The following CCDC178 variants were observed in gnomAD, a reference collection of about 807,000 sequenced individuals.
CCDC178 encodes coiled-coil domain-containing protein 178.
In CCDC178, 126 loss-of-function variants were observed where a neutral mutation model predicts 117.4. The ratio of observed to expected loss-of-function variants is 1.07; its 90% CI spans 0.93 to 1.24. The LOEUF is 1.24. Ranked by LOEUF, CCDC178 falls within the 50% of genes most tolerant of loss-of-function variation. CCDC178 has a pLI of 0.00. For missense variants in CCDC178, 1,030 were observed against 986.9 expected (o/e 1.04, Z -0.59); for synonymous variants, 283 against 313.4 (o/e 0.90, Z 1.02).
chr18:33,148,768 G>C (rs1216578430), intron 20 of CCDC178, among the ~76,000 whole-genome samples: 1 of 152,184 alleles, frequency 6.6e-6, no homozygotes, highest in Non-Finnish European at 1.5e-5. Context: ...CTTAGACTTT[G>C]AGCTTAAAGG....
At chr18:33,430,436 G>A (rs185897187) in intron 2 of CCDC178, among the ~76,000 whole-genome samples, 1 of 152,224 alleles carries the variant, frequency 6.6e-6, no homozygotes, top group East Asian at 1.9e-4. Flanking sequence ...ATATTTGCCG[G>A]CCTCTCTTGA....
intron 10 of CCDC178, among the ~76,000 whole-genome samples, chr18:33,327,298 T>C (rs1023350979): frequency 6.6e-6 from 1 of 152,232 alleles, no homozygotes; most frequent in African/African-American, 2.4e-5. Flanking sequence ...TTTTACGGCT[T>C]AATAATATTT....
intron 20 of CCDC178, among the ~76,000 whole-genome samples, chr18:33,113,585 C>T (rs188364543): frequency 5.9e-5 from 9 of 152,014 alleles, no homozygotes; most frequent in Admixed American, 4.6e-4. Flanking sequence ...CCTGCAATTA[C>T]TCTGTTTAGG....
At chr18:33,309,252 T>TA (rs1377656964) in intron 11 of CCDC178, among the ~76,000 whole-genome samples, 1 of 151,520 alleles carries the variant, frequency 6.6e-6, no homozygotes, top group Non-Finnish European at 1.5e-5. Context: ...GAATCAGTGG[T>TA]AAAAATACCC....
At chr18:32,965,050 C>T (rs979575499) in intron 22 of CCDC178, among the ~76,000 whole-genome samples, 3 of 151,860 alleles carry the variant, frequency 2.0e-5, no homozygotes, top group South Asian at 2.1e-4. Flanking sequence ...ACTGTATACC[C>T]GGCACCTCAA....
chr18:33,281,971 T>G (rs2060031435), intron 12 of CCDC178, among the ~76,000 whole-genome samples: 1 of 152,200 alleles, frequency 6.6e-6, no homozygotes, highest in African/African-American at 2.4e-5. Context: ...TAGGTGCAGA[T>G]AAGTGGAACA....
chr18:33,271,969 G>A (rs181421031), intron 12 of CCDC178, among the ~76,000 whole-genome samples: 13 of 151,550 alleles, frequency 8.6e-5, no homozygotes, highest in African/African-American at 2.2e-4. Context: ...AAGTTCTTAT[G>A]TCAGTAACCT....
chr18:33,041,763 T>G (rs2056554028), intron 21 of CCDC178, among the ~76,000 whole-genome samples: 1 of 151,416 alleles, frequency 6.6e-6, no homozygotes, highest in Non-Finnish European at 1.5e-5. Context: ...AATATCAGAG[T>G]TGAAGAATTG....
chr18:32,987,775 C>A (rs1320668307), intron 21 of CCDC178, among the ~76,000 whole-genome samples: 1 of 152,118 alleles, frequency 6.6e-6, no homozygotes, highest in Non-Finnish European at 1.5e-5. Context: ...ATGTCTATAT[C>A]TCCTTAGACA....
At chr18:33,240,062 A>C (rs1371066380) in intron 15 of CCDC178, among the ~76,000 whole-genome samples, 1 of 151,998 alleles carries the variant, frequency 6.6e-6, no homozygotes, top group Non-Finnish European at 1.5e-5. Flanking sequence ...CTTACAAGAA[A>C]ACTAGAAATT....
At chr18:33,215,939 AT>A (rs926970826) in intron 18 of CCDC178, among the ~76,000 whole-genome samples, 1 of 151,830 alleles carries the variant, frequency 6.6e-6, no homozygotes, top group African/African-American at 2.4e-5. Flanking sequence ...TCTACCCAAA[AT>A]TTTTTTAAAT....
At chr18:33,157,020 T>C (rs1398017912) in intron 20 of CCDC178, among the ~76,000 whole-genome samples, 1 of 152,210 alleles carries the variant, frequency 6.6e-6, no homozygotes, top group African/African-American at 2.4e-5. Flanking sequence ...ACAGTCTACA[T>C]ATAATTTTTT....
intron 21 of CCDC178, among the ~76,000 whole-genome samples, chr18:33,065,199 C>A (rs950225906): frequency 1.3e-5 from 2 of 152,078 alleles, no homozygotes; most frequent in South Asian, 4.1e-4. Flanking sequence ...AGTAGGGTGA[C>A]ATGGCTAACA....
intron 11 of CCDC178, among the ~76,000 whole-genome samples, chr18:33,299,502 AACACAC>A (rs71159812): frequency 2.7e-5 from 4 of 146,098 alleles, no homozygotes; most frequent in South Asian, 2.2e-4. Context: ...AACTAGTATA[AACACAC>A]ACACACACAC....
At chr18:33,310,956 G>A (rs1319515436) in intron 11 of CCDC178, among the ~76,000 whole-genome samples, 2 of 151,880 alleles carry the variant, frequency 1.3e-5, no homozygotes, top group African/African-American at 4.8e-5. Flanking sequence ...ATGATGTCCT[G>A]GCATGTCTCC....
intron 21 of CCDC178, among the ~76,000 whole-genome samples, chr18:33,015,398 T>C (rs994130360): frequency 6.6e-6 from 1 of 151,856 alleles, no homozygotes; most frequent in African/African-American, 2.4e-5. Flanking sequence ...ACCCCGTCTC[T>C]ATTAAAAATA....
intron 14 of CCDC178, among the ~76,000 whole-genome samples, chr18:33,262,884 T>C (rs544849662): frequency 6.6e-6 from 1 of 152,132 alleles, no homozygotes; most frequent in Non-Finnish European, 1.5e-5. Flanking sequence ...CTGCAAAAAA[T>C]GAGAGGAGGT....
At chr18:33,419,085 A>C (rs1312525085) in intron 2 of CCDC178, among the ~76,000 whole-genome samples, 2 of 152,208 alleles carry the variant, frequency 1.3e-5, no homozygotes, top group East Asian at 3.9e-4. Context: ...CTGGTACAAA[A>C]ACAGAGACAT....
intron 3 of CCDC178, among the ~76,000 whole-genome samples, chr18:33,409,439 C>A (rs2063821981): frequency 6.6e-6 from 1 of 152,128 alleles, no homozygotes; most frequent in Non-Finnish European, 1.5e-5. Context: ...GTAGTTACAT[C>A]ATGAACGAAA....
Sources: gnomAD v4.1 joint callset for allele counts (sites outside exome capture counted in the v4.1 genomes callset) on GRCh38, gnomAD v4.1.1 for gene constraint, MANE v1.5 for transcripts, NCBI Gene and HGNC (gene_info 2026-07-23, HGNC 2026-07-21) for gene names.